PSG4: variants seen among roughly 807,000 people sequenced by gnomAD.
PSG4 encodes the protein pregnancy-specific beta-1-glycoprotein 4.
A neutral mutation model predicts 44.3 loss-of-function variants in PSG4; 61 were observed. The ratio of observed to expected loss-of-function variants is 1.38; its 90% CI spans 1.12 to 1.70. PSG4 has a LOEUF of 1.70. PSG4 is among the 40% of genes most tolerant of loss of function. PSG4 has a pLI of 0.00. For synonymous variants in PSG4, 248 were observed against 191.3 expected, an observed-to-expected ratio of 1.30 and a Z score of -2.45; for missense variants, 677 against 511.7, an observed-to-expected ratio of 1.32 and a Z score of -3.12.
intron 3 of PSG4, 119 bp from the exon 4 acceptor site, chr19:43,195,392 T>TGGTG: frequency 6.9e-7 from 1 of 1,457,114 alleles, no homozygotes; most frequent in Non-Finnish European, 9.3e-7. Context: ...TGAAAGCCAA[T>TGGTG]AGCTGGTGCT....
chr19:43,194,832 C>G (rs745352562), intron 4 of PSG4, 163 bp downstream of exon 4: 3 of 1,471,956 alleles, frequency 2.0e-6, no homozygotes, highest in Non-Finnish European at 2.7e-6. Flanking sequence ...TTGGTTAAGG[C>G]TGTGCCTACC....
rs1383856445 is a variant in PSG4, at chr19:43,201,205, C to A, written c.430+2681G>T. Among the ~76,000 whole-genome samples the A allele has an allele frequency of 3.4e-5, 5 of 145,540 alleles. 1 individual carries two copies. Among genetic ancestry groups the A allele is most frequent in the Admixed American group, 2.0e-4 (3 of 14,666 alleles). On this transcript the variant is annotated intron_variant, in intron 2 of 5. Transcript: ENST00000405312. ...CGTTCCTGGGCATAGGCCAGGCTAA[C>A]CTTGGGAGGAATTTAGTTTATGGTT...
Position 43,193,147 on chromosome 19 carries a change from G to T in PSG4, c.*225C>A. On this transcript the variant is annotated 3_prime_UTR_variant, in exon 6 of 6. Coordinates refer to ENST00000405312, the MANE Select transcript of PSG4 (RefSeq NM_002780.5). ...GACATCTTTGGAAAAACTGTCCACA[G>T]TGTGAAGTCATCAACTTGTTATCCT... 4.3e-6 allele frequency: 3 copies of T among 696,098 alleles called. No individual in the cohort carries two copies. The South Asian group carries it at 4.5e-5, about 10-fold the overall frequency. The allele number at this position is 696,098 out of a possible 1,614,324, so 43.1% of individuals were successfully genotyped here.
At position 43,193,389 on chromosome 19, in the gene PSG4, C is replaced by A. The variant is rs751754163; in HGVS notation, c.1244-1G>T. 2.6e-6 allele frequency: 2 copies of A among 771,362 alleles called. No homozygotes were observed. The highest frequency in any genetic ancestry group is 1.7e-5 in the African/African-American group (1 of 58,772). The allele number at this position is 771,362 out of a possible 1,614,324, so 47.8% of individuals were successfully genotyped here. A position where few individuals can be genotyped will look rare whatever the true frequency, so the allele number is the denominator to read the frequency against. On this transcript the variant is annotated splice_acceptor_variant, in intron 5 of 5. Transcript: ENST00000405312. LOFTEE classifies it high-confidence loss of function. ...AGTAGAATTCAGGGTAATATCCAGTCTACAGGTGGATAATAAAAACACAGA... is the reference window on the plus strand; with the variant it reads ...AGTAGAATTCAGGGTAATATCCAGTATACAGGTGGATAATAAAAACACAGA...
rs146233809 is a variant in PSG4, at chr19:43,200,605, T to A, written c.431-2330A>T. On this transcript the variant is annotated intron_variant, in intron 2 of 5. Transcript: ENST00000405312. The stretch of plus-strand genomic sequence containing the variant: ...AGCATTTTTTTTCTGAGACAGAGTC[T>A]CGCTCTGTTGCCCAGGCTGGAGTGC... Among the ~76,000 whole-genome samples the A allele has an allele frequency of 8.8e-3, 1,271 of 144,558 alleles. 186 individuals carry two copies. The highest frequency in any genetic ancestry group is 0.082 in the Admixed American group (1,193 of 14,528). 94.8% of individuals were successfully genotyped at this position (144,558 alleles called of 152,430 possible). A position where few individuals can be genotyped will look rare whatever the true frequency, so the allele number is the denominator to read the frequency against.
chr19:43,202,534 G>T (rs1967561815), intron 2 of PSG4, among the ~76,000 whole-genome samples: 1 of 144,400 alleles, frequency 6.9e-6, no homozygotes, highest in Non-Finnish European at 1.5e-5. Context: ...TCCTTCATTT[G>T]TTATGTGAGA....
rs1393466449 is a variant in PSG4, at chr19:43,195,158, T to C, written c.825A>G (p.Leu275=). Residue 275 remains leucine (L), a synonymous_variant, in exon 4 of 6, where the codon CTA becomes CTG. Transcript: ENST00000405312. ...KSKNYTYIWW[L]NGQSLPVSPR... ...GACTGACAGGGAGGCTCTGACCATT[T>C]AGCCACCAAATGTAGGTGTAGTTCT... The C allele has an allele frequency of 6.2e-7, 1 of 1,610,430 alleles. No individual in the cohort carries two copies. The highest frequency in any genetic ancestry group is 1.1e-5 in the South Asian group (1 of 90,950).
rs186019748 is a variant in PSG4, at chr19:43,198,224, G to A, written c.482C>T (p.Ala161Val). 1.0e-5 allele frequency: 16 copies of A among 1,587,268 alleles called. 3 individuals carry two copies. The highest frequency in any genetic ancestry group is 1.1e-5 in the Non-Finnish European group (13 of 1,171,772). ...ACAGGTTAAGATCACAGCCTCCATGGCCTCCCTGGGATTTAAGTTGCTGCT... is the reference window on the plus strand; with the variant it reads ...ACAGGTTAAGATCACAGCCTCCATGACCTCCCTGGGATTTAAGTTGCTGCT... ...ISSSNLNPRE[A>V]MEAVILTCDP... Residue 161 changes from alanine to valine, a missense_variant, in exon 3 of 6, where the codon GCC (alanine) becomes GTC (valine). Transcript: ENST00000405312.
Position 43,193,142 on chromosome 19 carries a change from CCA to C in PSG4, c.*228_*229del. The C allele has an allele frequency of 1.5e-6, 1 of 680,650 alleles. No individual in the cohort carries two copies. The highest frequency in any genetic ancestry group is 2.1e-5 in the Admixed American group (1 of 48,264). The allele number at this position is 680,650 out of a possible 1,614,324, so 42.2% of individuals were successfully genotyped here. On this transcript the variant is annotated 3_prime_UTR_variant, in exon 6 of 6. Transcript: ENST00000405312. Reference sequence around the variant, plus strand: ...GTTCTGACATCTTTGGAAAAACTGTCCACAGTGTGAAGTCATCAACTTGTTAT... The same window carrying C: ...GTTCTGACATCTTTGGAAAAACTGTCCAGTGTGAAGTCATCAACTTGTTAT...
Position 43,202,797 on chromosome 19 carries a change from T to G in PSG4, c.430+1089A>C, listed in dbSNP as rs188382722. ...TAATCAGCTGACCATTTGCTCTCAC[T>G]CCTCTGAGGTTTGGATGCCTAAAAA... On this transcript the variant is annotated intron_variant, in intron 2 of 5. Coordinates refer to ENST00000405312, the MANE Select transcript of PSG4 (RefSeq NM_002780.5). Among the ~76,000 whole-genome samples, 176 of 144,588 alleles carry G rather than the reference T, an allele frequency of 1.2e-3. 10 individuals carry two copies. The highest frequency in any genetic ancestry group is 2.8e-3 in the Admixed American group (41 of 14,562). The allele number at this position is 144,588 out of a possible 152,430, so 94.9% of individuals were successfully genotyped here.
chr19:43,196,665 A>C (rs1967261193), intron 3 of PSG4: 1 of 151,102 alleles, frequency 6.6e-6, no homozygotes, highest in South Asian at 2.1e-4. Flanking sequence ...CTTGATGATT[A>C]GTTTTTGGTC....
At position 43,194,802 on chromosome 19, in the gene PSG4, C is replaced by T. The variant is rs571917717; in HGVS notation, c.988+193G>A. ...GGCCCCAAGTCTCCCATGACAAGAG[C>T]GTCCCCTCCCCTTATATTCTTGGTT... On this transcript the variant is annotated intron_variant, in intron 4 of 5. Coordinates refer to ENST00000405312, the MANE Select transcript of PSG4 (RefSeq NM_002780.5). 99 of 1,420,448 alleles carry T rather than the reference C, an allele frequency of 7.0e-5. 2 individuals carry two copies. Among genetic ancestry groups the T allele is most frequent in the Non-Finnish European group, 8.8e-5 (94 of 1,064,454 alleles). 88.0% of individuals were successfully genotyped at this position (1,420,448 alleles called of 1,614,324 possible). A position where few individuals can be genotyped will look rare whatever the true frequency, so the allele number is the denominator to read the frequency against.
chr19:43,203,568 T>C, intron 2 of PSG4: 1 of 355,884 alleles, frequency 2.8e-6, no homozygotes, highest in East Asian at 9.4e-5. Flanking sequence ...CCCTACTCAG[T>C]TCTCCAGGGT....
In PSG4 at chr19:43,195,192, G is replaced by T; in HGVS notation, c.791C>A (p.Pro264His). The T allele has an allele frequency of 6.2e-7, 1 of 1,610,214 alleles. No homozygotes were observed. The highest frequency in any genetic ancestry group is 1.7e-5 in the Admixed American group (1 of 59,858). The change falls in exon 4 of 6, where the codon CCT becomes CAT. Residue 264 changes from proline (P) to histidine (H), a missense_variant. Pro to His is a moderately conservative substitution (Grantham distance 77). Transcript: ENST00000405312. Reference protein sequence around the residue: ...NKDVLTFTCEPKSKNYTYIWW... With the variant: ...NKDVLTFTCEHKSKNYTYIWW... Reference sequence around the variant, plus strand: ...AATGTAGGTGTAGTTCTTACTCTTAGGTTCACAGGTGAAGGTTAAGACATC... The same window carrying T: ...AATGTAGGTGTAGTTCTTACTCTTATGTTCACAGGTGAAGGTTAAGACATC...
chr19:43,198,396 G>T, intron 2 of PSG4, 121 bp from the exon 3 acceptor site: 2 of 1,438,986 alleles, frequency 1.4e-6, no homozygotes, highest in Non-Finnish European at 1.8e-6. Flanking sequence ...AAAGCCCATG[G>T]AAGATGTGTG....
intron 2 of PSG4, among the ~76,000 whole-genome samples, chr19:43,200,700 C>A (rs1374614860): frequency 2.1e-5 from 3 of 145,540 alleles, no homozygotes; most frequent in African/African-American, 7.9e-5. Context: ...CTCAGCCTCC[C>A]AAGTAGCTGG....
At chr19:43,197,527 G>T (rs1179837406) in intron 3 of PSG4, among the ~76,000 whole-genome samples, 1 of 141,308 alleles carries the variant, frequency 7.1e-6, no homozygotes, top group Non-Finnish European at 1.5e-5. Context: ...TGTGAGGCAG[G>T]AGAGATTGGG....
Position 43,194,999 on chromosome 19 carries a change from G to A in PSG4, c.984C>T (p.Val328=), listed in dbSNP as rs777096468. Residue 328 remains valine, a synonymous_variant, in exon 4 of 6, where the codon GTC becomes GTT. Transcript: ENST00000405312. The part of the protein sequence containing the change: ...GIRSDPVTLN[V]LYGPDLPSIY... ...AGAGGAACAAAAGATACTCACAGAG[G>A]ACATTCAGGGTGACTGGGTCACTGC... is the stretch of plus-strand genomic sequence containing the variant. 1.2e-6 allele frequency: 2 copies of A among 1,611,426 alleles called. No homozygotes were observed. Among genetic ancestry groups the A allele is most frequent in the African/African-American group, 1.3e-5 (1 of 74,594 alleles).
chr19:43,193,641 A>G (rs1255670860), intron 5 of PSG4: 3 of 570,104 alleles, frequency 5.3e-6, no homozygotes, highest in South Asian at 4.6e-5. Context: ...TATTTGCTCT[A>G]AGTTTTTATA....
Sources: allele counts gnomAD v4.1 joint callset (sites outside exome capture counted in the v4.1 genomes callset), GRCh38; gene constraint gnomAD v4.1.1; transcripts MANE v1.5; gene names NCBI Gene and HGNC (gene_info 2026-07-23, HGNC 2026-07-21).